The following AHNAK variants were observed in gnomAD, a reference collection of about 807,000 sequenced individuals.
AHNAK encodes the protein neuroblast differentiation-associated protein AHNAK.
A neutral mutation model predicts 37.8 loss-of-function variants in AHNAK; 23 were observed. The observed-to-expected ratio is 0.61, with a 90% CI of 0.44 to 0.86. The LOEUF is 0.86. AHNAK is among the 40% of genes least tolerant of loss of function. AHNAK has a pLI of 0.00. For missense variants in AHNAK, 7,411 were observed against 7,319.4 expected, an observed-to-expected ratio of 1.01 and a Z score of -0.46; for synonymous variants, 2,481 against 2,636.3, an observed-to-expected ratio of 0.94 and a Z score of 1.80.
rs769701619 is a variant in AHNAK, at chr11:62,525,113, C to T, written c.9304G>A (p.Gly3102Ser). The T allele has an allele frequency of 1.2e-6, 2 of 1,614,134 alleles. No individual in the cohort carries two copies. The highest frequency in any genetic ancestry group is 1.7e-6 in the Non-Finnish European group (2 of 1,180,036). The part of the protein sequence containing the change: ...SMPDIDLNLK[G>S]PKVKGDMDVS... ...TCCATGTCACCCTTCACTTTGGGACCTTTCAGGTTAAGATCAATGTCAGGC... is the reference window on the plus strand; with the variant it reads ...TCCATGTCACCCTTCACTTTGGGACTTTTCAGGTTAAGATCAATGTCAGGC... The change falls in exon 5 of 5, where the codon GGT becomes AGT. Residue 3102 changes from glycine to serine, a missense_variant. Coordinates refer to ENST00000378024, the MANE Select transcript of AHNAK (RefSeq NM_001620.3).
intron 5 of AHNAK, among the ~76,000 whole-genome samples, chr11:62,485,442 C>G (rs1044507366): frequency 1.3e-5 from 2 of 151,888 alleles, no homozygotes; most frequent in Non-Finnish European, 2.9e-5. Flanking sequence ...GTGGCTCACA[C>G]CTATAATCCC....
chr11:62,523,311 G>C lies in AHNAK; in HGVS notation c.11106C>G (p.Gly3702=). The C allele has an allele frequency of 6.2e-7, 1 of 1,613,398 alleles. No individual in the cohort carries two copies. The highest frequency in any genetic ancestry group is 8.5e-7 in the Non-Finnish European group (1 of 1,179,798). ...SLPKVEGDLK[G]PEVDIKGPKV... ...TGGGGCCCTTGATGTCCACCTCAGGGCCTTTTAGATCACCTTCCACTTTGG... is the reference window on the plus strand; with the variant it reads ...TGGGGCCCTTGATGTCCACCTCAGGCCCTTTTAGATCACCTTCCACTTTGG... Residue 3702 remains glycine, a synonymous_variant, in exon 5 of 5, where the codon GGC becomes GGG. Transcript: ENST00000378024.
At chr11:62,442,940 C>T (rs1041220696) in intron 5 of AHNAK, among the ~76,000 whole-genome samples, 3 of 152,018 alleles carry the variant, frequency 2.0e-5, no homozygotes, top group African/African-American at 7.2e-5. Context: ...CCTGGGTGAC[C>T]TAAGCCTGGG....
At chr11:62,435,569 C>A (rs533144616) in intron 5 of AHNAK, among the ~76,000 whole-genome samples, 1 of 152,106 alleles carries the variant, frequency 6.6e-6, no homozygotes, top group East Asian at 1.9e-4. Flanking sequence ...CCCGTCACCT[C>A]GCCCGGCTAA....
Position 62,519,374 on chromosome 11 carries a change from C to T in AHNAK, c.15043G>A (p.Gly5015Ser), listed in dbSNP as rs772820796. Reference protein sequence around the residue: ...LNLETPEISVGGKGKKSKFKM... With the variant: ...LNLETPEISVSGKGKKSKFKM... ...AACTTACTTTTCTTGCCCTTGCCACCAACACTAATTTCAGGAGTCTCAAGG... is the reference window on the plus strand; with the variant it reads ...AACTTACTTTTCTTGCCCTTGCCACTAACACTAATTTCAGGAGTCTCAAGG... The change falls in exon 5 of 5, where the codon GGT (glycine) becomes AGT (serine). Residue 5015 changes from glycine to serine, a missense_variant. Transcript: ENST00000378024. 1.9e-6 allele frequency: 3 copies of T among 1,613,972 alleles called. No individual in the cohort carries two copies. The South Asian group carries it at 3.3e-5, about 18-fold the overall frequency.
chr11:62,501,934 G>A (rs1444091255), intron 4 of AHNAK, among the ~76,000 whole-genome samples: 1 of 152,214 alleles, frequency 6.6e-6, no homozygotes, highest in Non-Finnish European at 1.5e-5. Flanking sequence ...TAGGAAGGAA[G>A]GGAAGGAGAA....
Position 62,529,257 on chromosome 11 carries a change from G to T in AHNAK, c.5160C>A (p.Phe1720Leu). ...LKMPKMKMPK[F>L]SMPGFKAEGP... ...CCTCTGCTTTGAAGCCAGGCATACT[G>T]AACTTGGGCATTTTCATCTTGGGCA... The change falls in exon 5 of 5, where the codon TTC (phenylalanine) becomes TTA (leucine). Residue 1720 changes from phenylalanine (F) to leucine (L), a missense_variant. By Grantham distance (22) the Phe-to-Leu change is conservative. Coordinates refer to ENST00000378024, the MANE Select transcript of AHNAK (RefSeq NM_001620.3). 1 of 1,614,158 alleles carries T rather than the reference G, an allele frequency of 6.2e-7. No homozygotes were observed. Among genetic ancestry groups the T allele is most frequent in the Non-Finnish European group, 8.5e-7 (1 of 1,180,032 alleles).
chr11:62,521,658 T>A lies in AHNAK; in HGVS notation c.12759A>T (p.Lys4253Asn). The change falls in exon 5 of 5, where the codon AAA becomes AAT. Residue 4253 changes from lysine (K) to asparagine (N), a missense_variant. Transcript: ENST00000378024. ...PKFKMPEMNI[K>N]APKISMPDFD... Reference sequence around the variant, plus strand: ...AGTCAGGCATGGAGATCTTGGGGGCTTTGATGTTCATCTCAGGCATCTTGA... The same window carrying A: ...AGTCAGGCATGGAGATCTTGGGGGCATTGATGTTCATCTCAGGCATCTTGA... 1.2e-6 allele frequency: 2 copies of A among 1,613,284 alleles called. No homozygotes were observed. The highest frequency in any genetic ancestry group is 1.1e-5 in the South Asian group (1 of 91,018).
At chr11:62,466,117 C>T (rs548636406) in intron 5 of AHNAK, among the ~76,000 whole-genome samples, 10 of 152,154 alleles carry the variant, frequency 6.6e-5, no homozygotes, top group Middle Eastern at 6.8e-3. Context: ...GCCAGGAGTT[C>T]GAGATCAGCC....
At chr11:62,460,160 G>A (rs1347406691) in intron 5 of AHNAK, among the ~76,000 whole-genome samples, 3 of 150,484 alleles carry the variant, frequency 2.0e-5, no homozygotes, top group African/African-American at 7.3e-5. Context: ...GGTGGCACAC[G>A]CCTGTAATCC....
chr11:62,486,333 C>CG (rs1163580625), intron 5 of AHNAK, among the ~76,000 whole-genome samples: 2 of 151,820 alleles, frequency 1.3e-5, no homozygotes, highest in Non-Finnish European at 2.9e-5. Context: ...AATTAGCAGG[C>CG]GGGGTAGCAC....
At chr11:62,509,872 C>T (rs780751754) in intron 4 of AHNAK, among the ~76,000 whole-genome samples, 4 of 151,162 alleles carry the variant, frequency 2.6e-5, no homozygotes, top group Admixed American at 1.3e-4. Flanking sequence ...GAGCTAAGAT[C>T]GCACCACTAC....
chr11:62,454,338 G>A (rs377113196), intron 5 of AHNAK, among the ~76,000 whole-genome samples: 12 of 151,360 alleles, frequency 7.9e-5, no homozygotes, highest in Non-Finnish European at 1.2e-4. Context: ...GCGTGAACCC[G>A]GGAGGCGGAG....
chr11:62,451,260 T>A (rs1938531453), intron 5 of AHNAK, among the ~76,000 whole-genome samples: 2 of 150,708 alleles, frequency 1.3e-5, no homozygotes, highest in African/African-American at 4.9e-5. Context: ...CAGAGCAAAA[T>A]GTCGGGTCAG....
At position 62,523,596 on chromosome 11, in the gene AHNAK, C is replaced by T. The variant is rs1033689390; in HGVS notation, c.10821G>A (p.Met3607Ile). ...DWHLKMPKVK[M>I]PKFSMPGFKG... Reference sequence around the variant, plus strand: ...TGAAGCCAGGCATGCTGAACTTGGGCATTTTCACTTTGGGCATCTTCAGAT... The same window carrying T: ...TGAAGCCAGGCATGCTGAACTTGGGTATTTTCACTTTGGGCATCTTCAGAT... Residue 3607 changes from methionine (M) to isoleucine (I), a missense_variant, in exon 5 of 5, where the codon ATG becomes ATA. Transcript: ENST00000378024. 6.2e-7 allele frequency: 1 copy of T among 1,614,050 alleles called. No homozygotes were observed. Among genetic ancestry groups the T allele is most frequent in the African/African-American group, 1.3e-5 (1 of 74,910 alleles).
chr11:62,481,825 A>G (rs1590618987), intron 5 of AHNAK, among the ~76,000 whole-genome samples: 1 of 151,514 alleles, frequency 6.6e-6, no homozygotes, highest in Non-Finnish European at 1.5e-5. Context: ...TCGGCCTCCC[A>G]AAGTGCTGGG....
rs1406683546 is a variant in AHNAK at position 62,523,289 on chromosome 11, G to T, written c.11128C>A (p.Pro3710Thr). 11 of 1,613,992 alleles carry T rather than the reference G, an allele frequency of 6.8e-6. No individual in the cohort carries two copies. Among genetic ancestry groups the T allele is most frequent in the African/African-American group, 6.7e-5 (5 of 74,962 alleles). Residue 3710 changes from proline (P) to threonine (T), a missense_variant, in exon 5 of 5, where the codon CCC becomes ACC. Transcript: ENST00000378024. ...LKGPEVDIKG[P>T]KVDIDTPDIN... ...TCAGGAGTGTCAATGTCCACTTTGG[G>T]GCCCTTGATGTCCACCTCAGGGCCT...
intron 5 of AHNAK, among the ~76,000 whole-genome samples, chr11:62,471,021 T>C (rs962663430): frequency 6.6e-6 from 1 of 152,090 alleles, no homozygotes; most frequent in African/African-American, 2.4e-5. Context: ...ATTTTATTTA[T>C]ACCAATACGA....
chr11:62,518,172 A>G lies in AHNAK; in HGVS notation c.16245T>C (p.Thr5415=). ...KMKLPQFGIS[T]PGSDLHVNAK... ...CATTGACGTGCAAGTCGGACCCCGG[A>G]GTAGAGATGCCAAATTGGGGCAGCT... The change falls in exon 5 of 5, where the codon ACT becomes ACC. Residue 5415 remains threonine (T), a synonymous_variant. Coordinates refer to ENST00000378024, the MANE Select transcript of AHNAK (RefSeq NM_001620.3). 1 of 1,614,158 alleles carries G rather than the reference A, an allele frequency of 6.2e-7. No homozygotes were observed. Among genetic ancestry groups the G allele is most frequent in the Middle Eastern group, 1.6e-4 (1 of 6,062 alleles).
Sources: gnomAD v4.1 joint callset for allele counts (sites outside exome capture counted in the v4.1 genomes callset) on GRCh38, gnomAD v4.1.1 for gene constraint, MANE v1.5 for transcripts, NCBI Gene and HGNC (gene_info 2026-07-23, HGNC 2026-07-21) for gene names.